PCNX2: variants seen among roughly 807,000 people sequenced by gnomAD.
The protein encoded by PCNX2 is pecanex 2.
Under a neutral mutation model 223.8 loss-of-function variants are expected in PCNX2, and 168 were observed. That is an observed-to-expected ratio of 0.75 (90% CI 0.66 to 0.85). The LOEUF is 0.85. Among genes scored for constraint, PCNX2 ranks in the 40% least tolerant of loss-of-function variants. PCNX2 has a pLI of 0.00. For missense variants in PCNX2, 2,507 were observed against 2,675.5 expected, an observed-to-expected ratio of 0.94 and a Z score of 1.39; for synonymous variants, 1,006 against 1,052.6, an observed-to-expected ratio of 0.96 and a Z score of 0.86.
intron 32 of PCNX2, among the ~76,000 whole-genome samples, chr1:232,994,830 G>C (rs930115939): frequency 2.0e-5 from 3 of 152,162 alleles, no homozygotes; most frequent in African/African-American, 7.2e-5. Context: ...CTGCCACCAT[G>C]TAAGATGTGT....
the PCNX2 span, among the ~76,000 whole-genome samples, chr1:233,317,937 T>C: frequency 4.1e-4 from 62 of 152,376 alleles, no homozygotes; most frequent in Non-Finnish European, 7.1e-4. Context: ...ATATGCTTGC[T>C]GTTAATCGCA....
rs1283957270 is a variant in PCNX2 at position 233,258,847 on chromosome 1, C to G, written c.1015G>C (p.Gly339Arg). The stretch of plus-strand genomic sequence containing the variant: ...ACTTCCTGGTGCAAGGGCAGGTCCC[C>G]CTGGCAGGAGGTATCTACCTGACAG... Reference protein sequence around the residue: ...TSCQVDTSCQGDLPLHQEVDS... With the variant: ...TSCQVDTSCQRDLPLHQEVDS... The change falls in exon 5 of 34, where the codon GGG becomes CGG. Residue 339 changes from glycine to arginine, a missense_variant. By Grantham distance (125) the Gly-to-Arg change is moderately radical. Coordinates refer to ENST00000258229, the MANE Select transcript of PCNX2 (RefSeq NM_014801.4). 1.9e-6 allele frequency: 3 copies of G among 1,613,920 alleles called. No individual in the cohort carries two copies. Among genetic ancestry groups the G allele is most frequent in the Non-Finnish European group, 1.7e-6 (2 of 1,179,886 alleles).
In PCNX2 at chr1:233,000,031, AC is replaced by A. The variant is rs1433536482; in HGVS notation, c.5328+273del. Among the ~76,000 whole-genome samples, 2 of 152,196 alleles carry A rather than the reference AC, an allele frequency of 1.3e-5. No individual in the cohort carries two copies. Among genetic ancestry groups the A allele is most frequent in the African/African-American group, 4.8e-5 (2 of 41,444 alleles). The stretch of plus-strand genomic sequence containing the variant: ...ATAAGCTATATCCTGACTCTCACTT[AC>A]ATGTGTGTCTACTGGGTCTTCTTGG... On this transcript the variant is annotated intron_variant, in intron 30 of 33. Coordinates refer to ENST00000258229, the MANE Select transcript of PCNX2 (RefSeq NM_014801.4). The surrounding 1 kb of genome is among the most constrained non-coding windows in gnomAD (Gnocchi z 4.6).
At chr1:233,162,458 G>A (rs775481007) in intron 17 of PCNX2, among the ~76,000 whole-genome samples, 18 of 152,178 alleles carry the variant, frequency 1.2e-4, no homozygotes, top group Non-Finnish European at 2.5e-4. Flanking sequence ...TTCCTGGCTT[G>A]CTGACCGTAT....
chr1:233,200,312 G>T, intron 13 of PCNX2, 48 bp from the exon 14 acceptor site: 2 of 1,369,390 alleles, frequency 1.5e-6, no homozygotes, highest in Non-Finnish European at 2.0e-6. Flanking sequence ...GAACTGTGTT[G>T]CCAAGGCTCC....
At chr1:233,123,539 G>T (rs919935199) in intron 21 of PCNX2, among the ~76,000 whole-genome samples, 4 of 151,724 alleles carry the variant, frequency 2.6e-5, no homozygotes, top group Non-Finnish European at 4.4e-5. Context: ...CCAAGATTGT[G>T]CCATTGCACT....
intron 19 of PCNX2, among the ~76,000 whole-genome samples, chr1:233,144,090 AG>A (rs774433775): frequency 2.0e-5 from 3 of 152,050 alleles, no homozygotes; most frequent in Non-Finnish European, 4.4e-5. Flanking sequence ...CTGAAGTAGG[AG>A]GATTGCTTGA....
chr1:233,160,223 G>A (rs1184488071), intron 19 of PCNX2, 60 bp downstream of exon 19: 20 of 1,536,894 alleles, frequency 1.3e-5, no homozygotes, highest in East Asian at 6.7e-5. Context: ...CATGCTCTCC[G>A]GTTTAATGTA....
intron 32 of PCNX2, among the ~76,000 whole-genome samples, chr1:232,989,099 C>T (rs1361034462): frequency 1.3e-5 from 2 of 152,056 alleles, no homozygotes; most frequent in Non-Finnish European, 2.9e-5. Context: ...TGAGTTGAGT[C>T]TTGGTGACTT....
intron 25 of PCNX2, among the ~76,000 whole-genome samples, chr1:233,027,119 C>CAGG (rs2102836383): frequency 6.6e-6 from 1 of 151,824 alleles, no homozygotes; most frequent in South Asian, 2.1e-4. Context: ...GAAAGAAAAC[C>CAGG]AAGTCCCAAA....
intron 26 of PCNX2, chr1:233,018,630 G>A (rs902160847): frequency 5.3e-6 from 2 of 374,230 alleles, no homozygotes; most frequent in Non-Finnish European, 7.4e-6. Flanking sequence ...ATCCAAGCCT[G>A]ATAGGCTTGG....
chr1:233,283,555 G>A lies in PCNX2; in HGVS notation c.153+11771C>T, dbSNP rs941647481. Among the ~76,000 whole-genome samples, 3 of 152,068 alleles carry A rather than the reference G, an allele frequency of 2.0e-5. 1 individual carries two copies. The highest frequency in any genetic ancestry group is 2.0e-4 in the Admixed American group (3 of 15,264). On this transcript the variant is annotated intron_variant, in intron 1 of 33. Transcript: ENST00000258229. ...CAAGAAAACTCATGGATATATCCAC[G>A]AAAAGGTCTCACTTGCCAAATTTTT...
chr1:233,295,952 TTC>T (rs1553334178), upstream of PCNX2, among the ~76,000 whole-genome samples: 16 of 144,884 alleles, frequency 1.1e-4, no homozygotes, highest in Admixed American at 2.7e-4. This position sits in a 1 kb window ranked among gnomAD's most constrained non-coding sequence, Gnocchi z 4.1. Flanking sequence ...CTTCCTTCCT[TTC>T]TCTCTCTCTC....
intron 9 of PCNX2, among the ~76,000 whole-genome samples, chr1:233,228,278 T>C (rs1203853301): frequency 6.6e-6 from 1 of 152,228 alleles, no homozygotes; most frequent in East Asian, 1.9e-4. Flanking sequence ...CACTTCTTGC[T>C]ACTATCTTAA....
rs896710807 is a variant in PCNX2 at position 233,290,999 on chromosome 1, G to A, written c.153+4327C>T. ...CACCACTCAACTCTTCCTCTCCAGT[G>A]GAGTTGACCACAATGCCACTGGCAT... On this transcript the variant is annotated intron_variant, in intron 1 of 33. Coordinates refer to ENST00000258229, the MANE Select transcript of PCNX2 (RefSeq NM_014801.4). The A allele has an allele frequency of 8.1e-6, 8 of 985,294 alleles. No individual in the cohort carries two copies. The African/African-American group carries it at 1.4e-4, about 17-fold the overall frequency. 61.0% of individuals were successfully genotyped at this position (985,294 alleles called of 1,614,324 possible).
intron 18 of PCNX2, 50 bp from the exon 19 acceptor site, chr1:233,160,483 G>A (rs758225485): frequency 3.9e-5 from 61 of 1,561,844 alleles, no homozygotes; most frequent in Non-Finnish European, 4.3e-5. Flanking sequence ...AGGATGGGGA[G>A]AGGGATGCCC....
intron 9 of PCNX2, among the ~76,000 whole-genome samples, chr1:233,234,251 T>C (rs926878624): frequency 6.6e-6 from 1 of 152,230 alleles, no homozygotes; most frequent in Non-Finnish European, 1.5e-5. Context: ...TAATTTAATT[T>C]CCTGGTGATA....
chr1:233,233,779 C>T (rs1658218832), intron 9 of PCNX2, among the ~76,000 whole-genome samples: 3 of 151,858 alleles, frequency 2.0e-5, no homozygotes, highest in African/African-American at 7.3e-5. Context: ...AGCCTTATCT[C>T]CTGCTTGCTT....
intron 15 of PCNX2, among the ~76,000 whole-genome samples, chr1:233,182,005 G>T (rs1028563389): frequency 1.3e-5 from 2 of 152,106 alleles, no homozygotes; most frequent in Non-Finnish European, 2.9e-5. Context: ...TTCACTCCTG[G>T]TCATCAGTGA....
Sources: gnomAD v4.1 joint callset for allele counts (sites outside exome capture counted in the v4.1 genomes callset) on GRCh38, gnomAD v4.1.1 for gene constraint, Gnocchi (gnomAD v3.1) non-coding constraint, MANE v1.5 for transcripts, NCBI Gene and HGNC (gene_info 2026-07-23, HGNC 2026-07-21) for gene names.